TDRD7: variants seen among roughly 807,000 people sequenced by gnomAD.
The protein encoded by TDRD7 is tudor domain-containing protein 7.
Under a neutral mutation model 109.8 loss-of-function variants are expected in TDRD7, and 47 were observed. The ratio of observed to expected loss-of-function variants is 0.43; its 90% CI spans 0.34 to 0.55. The LOEUF (loss-of-function observed/expected upper bound fraction) is 0.55. Among genes scored for constraint, TDRD7 ranks in the 20% least tolerant of loss-of-function variants. The pLI is 0.03. For missense variants in TDRD7, 1,164 were observed against 1,319.2 expected, an observed-to-expected ratio of 0.88 and a Z score of 1.82; for synonymous variants, 424 against 457.3, an observed-to-expected ratio of 0.93 and a Z score of 0.93.
rs557822637 is a variant in TDRD7, at chr9:97,433,855, G to T, written c.563+1617G>T. Among the ~76,000 whole-genome samples the T allele has an allele frequency of 9.9e-5, 15 of 152,062 alleles. 1 individual carries two copies. The highest frequency in any genetic ancestry group is 3.6e-4 in the African/African-American group (15 of 41,502). ...TATGTAGTATGGCTACTATCAAAACGCAGAAAATAACAAGTGCTGGTAAGG... is the reference window on the plus strand; with the variant it reads ...TATGTAGTATGGCTACTATCAAAACTCAGAAAATAACAAGTGCTGGTAAGG... On this transcript the variant is annotated intron_variant, in intron 4 of 16. Coordinates refer to ENST00000355295, the MANE Select transcript of TDRD7 (RefSeq NM_014290.3).
At chr9:97,430,628 A>G (rs552644919) in intron 2 of TDRD7, among the ~76,000 whole-genome samples, 7 of 152,192 alleles carry the variant, frequency 4.6e-5, no homozygotes, top group Admixed American at 4.6e-4. Flanking sequence ...ATCAGATCAT[A>G]GGTTGCTTTT....
chr9:97,456,153 C>T (rs1828604511), intron 6 of TDRD7, among the ~76,000 whole-genome samples: 1 of 152,098 alleles, frequency 6.6e-6, no homozygotes, highest in Non-Finnish European at 1.5e-5. Context: ...AACTACAAAC[C>T]ACTGCTCAAG....
intron 6 of TDRD7, among the ~76,000 whole-genome samples, chr9:97,459,796 G>T (rs1269955963): frequency 6.6e-6 from 1 of 152,100 alleles, no homozygotes; most frequent in Non-Finnish European, 1.5e-5. Flanking sequence ...CTTCCCAGTG[G>T]TTTATTCCTG....
intron 4 of TDRD7, among the ~76,000 whole-genome samples, chr9:97,434,495 T>A (rs1042018571): frequency 5.3e-5 from 8 of 152,290 alleles, no homozygotes; most frequent in Middle Eastern, 3.4e-3. Flanking sequence ...TTAAGTGTTC[T>A]TACCACAAAA....
intron 1 of TDRD7, among the ~76,000 whole-genome samples, chr9:97,421,224 T>A (rs1827894432): frequency 6.6e-6 from 1 of 152,228 alleles, no homozygotes; most frequent in South Asian, 2.1e-4. Flanking sequence ...CTAAATGCTC[T>A]GCTTTCTCAT....
intron 1 of TDRD7, among the ~76,000 whole-genome samples, chr9:97,422,576 G>A (rs909661021): frequency 6.6e-6 from 1 of 152,218 alleles, no homozygotes; most frequent in East Asian, 1.9e-4. Context: ...ATGAATGGGA[G>A]TGCTGAGCAT....
chr9:97,468,302 T>G (rs1828852880), intron 8 of TDRD7, among the ~76,000 whole-genome samples: 1 of 152,076 alleles, frequency 6.6e-6, no homozygotes, highest in African/African-American at 2.4e-5. Context: ...GAAAAGCCTG[T>G]AAAGATGGCC....
At chr9:97,438,803 ACC>A in intron 4 of TDRD7, among the ~76,000 whole-genome samples, 1 of 152,128 alleles carries the variant, frequency 6.6e-6, no homozygotes, top group East Asian at 1.9e-4. Flanking sequence ...TAAGTTCTCT[ACC>A]ATTTTACCTG....
At chr9:97,417,345 G>A (rs1038578806) in intron 1 of TDRD7, among the ~76,000 whole-genome samples, 3 of 152,128 alleles carry the variant, frequency 2.0e-5, no homozygotes, top group Admixed American at 6.5e-5. Context: ...TTTGAGTGAC[G>A]TGATATAATA....
chr9:97,430,337 C>G (rs1227483812), intron 2 of TDRD7, among the ~76,000 whole-genome samples: 1 of 152,200 alleles, frequency 6.6e-6, no homozygotes. Flanking sequence ...CCATAGAACT[C>G]TATGGCTCCC....
At chr9:97,431,641 T>C (rs1828105654) in intron 3 of TDRD7, among the ~76,000 whole-genome samples, 1 of 152,166 alleles carries the variant, frequency 6.6e-6, no homozygotes, top group South Asian at 2.1e-4. Context: ...GAGCAATCAT[T>C]TTGAATGAAA....
chr9:97,436,432 T>C (rs1828199471), intron 4 of TDRD7, among the ~76,000 whole-genome samples: 1 of 152,208 alleles, frequency 6.6e-6, no homozygotes, highest in Non-Finnish European at 1.5e-5. Context: ...TTACATAATT[T>C]TTCTATTGGC....
chr9:97,413,808 A>G (rs1827765299), intron 1 of TDRD7, among the ~76,000 whole-genome samples: 1 of 152,192 alleles, frequency 6.6e-6, no homozygotes, highest in African/African-American at 2.4e-5. Flanking sequence ...GTGCCTTCAG[A>G]TTTCAGTCTC....
chr9:97,470,663 C>T lies in TDRD7; in HGVS notation c.1735C>T (p.Leu579Phe), dbSNP rs1308671657. The T allele has an allele frequency of 1.9e-6, 3 of 1,613,338 alleles. No homozygotes were observed. The highest frequency in any genetic ancestry group is 2.2e-5 in the East Asian group (1 of 44,812). ...CTCATTTCAAGCTACAAAATGTAAG[C>T]TTGCAGGTAAGAGGAACTTTTTAAA... is the stretch of plus-strand genomic sequence containing the variant. ...SLSFQATKCK[L>F]AGLEVLSDDP... The change falls in exon 9 of 17, where the codon CTT becomes TTT. Residue 579 changes from leucine to phenylalanine, a missense_variant. Transcript: ENST00000355295.
In TDRD7 at chr9:97,441,873, A is replaced by G; in HGVS notation, c.853A>G (p.Thr285Ala). The change falls in exon 6 of 17, where the codon ACG becomes GCG. Residue 285 changes from threonine to alanine, a missense_variant and splice_region_variant. Coordinates refer to ENST00000355295, the MANE Select transcript of TDRD7 (RefSeq NM_014290.3). ...QQFEHWPHIC[T>A]VEKPCSGGQD... ...GTTTGAACACTGGCCTCATATTTGC[A>G]CGGTATGTTTTTCCTTATTCCTCCC... 1 of 1,613,262 alleles carries G rather than the reference A, an allele frequency of 6.2e-7. No homozygotes were observed.
In TDRD7 at chr9:97,443,276, G is replaced by A. The variant is rs1828344230; in HGVS notation, c.855+1401G>A. 2.0e-5 allele frequency among the ~76,000 whole-genome samples: 3 copies of A among 152,168 alleles called. No homozygotes were observed. In the South Asian group the frequency reaches 6.2e-4, roughly 31 times the overall value. ...CAAAGACGATGAAGACACTTGGAGT[G>A]TAGTGAGGGAAATAGGGAAAAAAAT... On this transcript the variant is annotated intron_variant, in intron 6 of 16. Coordinates refer to ENST00000355295, the MANE Select transcript of TDRD7 (RefSeq NM_014290.3).
intron 12 of TDRD7, among the ~76,000 whole-genome samples, chr9:97,477,146 T>C (rs1179060758): frequency 1.3e-5 from 2 of 152,224 alleles, no homozygotes. Flanking sequence ...ATTTTCCTTT[T>C]TTACAAGTTG....
chr9:97,412,376 T>C lies in TDRD7; in HGVS notation c.-7+138T>C, dbSNP rs562639572. 6.6e-3 allele frequency: 1,005 copies of C among 152,246 alleles called. 9 individuals are homozygous for C. The highest frequency in any genetic ancestry group is 9.0e-3 in the Non-Finnish European group (612 of 68,034). 9.4% of individuals were successfully genotyped at this position (152,246 alleles called of 1,614,324 possible). A position where few individuals can be genotyped will look rare whatever the true frequency, so the allele number is the denominator to read the frequency against. ...GGGCTCCAACAGGCTCGGGGCCTTT[T>C]CCCTGCAGCCGCAGGGGATTGCCCC... On this transcript the variant is annotated intron_variant, in intron 1 of 16. Coordinates refer to ENST00000355295, the MANE Select transcript of TDRD7 (RefSeq NM_014290.3). The surrounding 1 kb of genome is among the most constrained non-coding windows in gnomAD (Gnocchi z 4.3).
chr9:97,430,293 A>G (rs1828078635), intron 2 of TDRD7, among the ~76,000 whole-genome samples: 1 of 152,148 alleles, frequency 6.6e-6, no homozygotes, highest in South Asian at 2.1e-4. Context: ...CCTTGCTCTC[A>G]TGCCCCTGCC....
Sources: allele counts gnomAD v4.1 joint callset (sites outside exome capture counted in the v4.1 genomes callset), GRCh38; gene constraint gnomAD v4.1.1; non-coding constraint Gnocchi (gnomAD v3.1); transcripts MANE v1.5; gene names NCBI Gene and HGNC (gene_info 2026-07-23, HGNC 2026-07-21).